The following PRDM4 variants were observed in gnomAD, a reference collection of about 807,000 sequenced individuals.
The protein encoded by PRDM4 is PR domain zinc finger protein 4.
Under a neutral mutation model 62.3 loss-of-function variants are expected in PRDM4, and 38 were observed. The ratio of observed to expected loss-of-function variants is 0.61; its 90% CI spans 0.47 to 0.80. The LOEUF is 0.80. Among genes scored for constraint, PRDM4 ranks in the 30% least tolerant of loss-of-function variants. PRDM4 has a pLI of 0.00. For synonymous variants in PRDM4, 339 were observed against 348.2 expected, an observed-to-expected ratio of 0.97 and a Z score of 0.30; for missense variants, 858 against 997.1, an observed-to-expected ratio of 0.86 and a Z score of 1.88.
At chr12:107,736,298 A>G (rs1462292291) in intron 11 of PRDM4, among the ~76,000 whole-genome samples, 1 of 152,220 alleles carries the variant, frequency 6.6e-6, no homozygotes, top group Non-Finnish European at 1.5e-5. Context: ...ACACGAAGCC[A>G]GGTAAAAGTG....
Position 107,741,193 on chromosome 12 carries a change from G to C in PRDM4, c.1677C>G (p.Phe559Leu). The C allele has an allele frequency of 6.2e-7, 1 of 1,614,112 alleles. No homozygotes were observed. The highest frequency in any genetic ancestry group is 8.5e-7 in the Non-Finnish European group (1 of 1,180,018). The stretch of plus-strand genomic sequence containing the variant: ...GGATGTGGCTGGTCAGATGGGCTTT[G>C]AACTCTGTGTAAGAATTGCACTCCT... ...CGKECNSYTE[F>L]KAHLTSHIHN... Residue 559 changes from phenylalanine (F) to leucine (L), a missense_variant, in exon 10 of 12, where the codon TTC (phenylalanine) becomes TTG (leucine). Phe to Leu is a conservative substitution (Grantham distance 22). This residue lies in a region of PRDM4 where 355 missense variants were observed against 432.6 expected (regional missense o/e 0.82). Transcript: ENST00000228437.
At chr12:107,742,915 A>G (rs1890566247) in intron 8 of PRDM4, among the ~76,000 whole-genome samples, 1 of 151,774 alleles carries the variant, frequency 6.6e-6, no homozygotes, top group African/African-American at 2.4e-5. Flanking sequence ...TGCATATACC[A>G]CAACACCCAG....
Position 107,734,156 on chromosome 12 carries a change from T to C in PRDM4, c.*54A>G. On this transcript the variant is annotated 3_prime_UTR_variant, in exon 12 of 12. Coordinates refer to ENST00000228437, the MANE Select transcript of PRDM4 (RefSeq NM_012406.4). ...AAAACCATTATAGTAGATAACTGGT[T>C]ATGTGTATTTTTCCATTTGCATTTT... 4 of 1,500,914 alleles carry C rather than the reference T, an allele frequency of 2.7e-6. No individual in the cohort carries two copies. The highest frequency in any genetic ancestry group is 3.6e-6 in the Non-Finnish European group (4 of 1,112,892). 93.0% of individuals were successfully genotyped at this position (1,500,914 alleles called of 1,614,324 possible).
At chr12:107,734,616 C>T in intron 11 of PRDM4, 94 bp from the exon 12 acceptor site, 1 of 1,181,122 alleles carries the variant, frequency 8.5e-7, no homozygotes, top group Non-Finnish European at 1.2e-6. Flanking sequence ...TTTGTCAGAG[C>T]AGCTCTATCC....
intron 5 of PRDM4, among the ~76,000 whole-genome samples, chr12:107,747,160 C>A (rs559884869): frequency 6.6e-6 from 1 of 151,906 alleles, no homozygotes; most frequent in African/African-American, 2.4e-5. Context: ...AAAATAGCAC[C>A]ATATTACTTC....
At chr12:107,744,470 T>C in intron 7 of PRDM4, 73 bp downstream of exon 7, 3 of 1,539,222 alleles carry the variant, frequency 1.9e-6, no homozygotes, top group Non-Finnish European at 8.9e-7. Flanking sequence ...ATTTTGACTT[T>C]ATCATAACTT....
chr12:107,756,154 G>A (rs1344624175), intron 3 of PRDM4, among the ~76,000 whole-genome samples: 2 of 152,098 alleles, frequency 1.3e-5, no homozygotes, highest in African/African-American at 4.8e-5. Flanking sequence ...TAGCTACTCA[G>A]GAGGCTGAAG....
chr12:107,754,348 T>G (rs1338418316), intron 3 of PRDM4, among the ~76,000 whole-genome samples: 1 of 152,204 alleles, frequency 6.6e-6, no homozygotes, highest in African/African-American at 2.4e-5. Flanking sequence ...TCCAATTGTC[T>G]GTATTGCGCT....
Position 107,744,581 on chromosome 12 carries a change from C to T in PRDM4, c.1357G>A (p.Ala453Thr), listed in dbSNP as rs1031007227. The T allele has an allele frequency of 6.2e-7, 1 of 1,613,826 alleles. No homozygotes were observed. The change falls in exon 7 of 12, where the codon GCA becomes ACA. Residue 453 changes from alanine to threonine, a missense_variant. This residue lies in a region of PRDM4 where 355 missense variants were observed against 432.6 expected (regional missense o/e 0.82). Coordinates refer to ENST00000228437, the MANE Select transcript of PRDM4 (RefSeq NM_012406.4). The part of the protein sequence containing the change: ...IGQQSHSMEV[A>T]EWTDKAVNHI... The stretch of plus-strand genomic sequence containing the variant: ...TTAACTGCCTTGTCTGTCCATTCTG[C>T]TACTTCCATGGAGTGACTCTGCTGG...
chr12:107,750,476 C>T (rs943703619), intron 5 of PRDM4, among the ~76,000 whole-genome samples: 1 of 152,034 alleles, frequency 6.6e-6, no homozygotes, highest in Admixed American at 6.6e-5. Context: ...CCCAGGAGGT[C>T]GAGGCTACAG....
rs1891202846 is a variant in PRDM4 at position 107,760,406 on chromosome 12, C to T, written c.11+99G>A. 5 of 1,499,156 alleles carry T rather than the reference C, an allele frequency of 3.3e-6. No individual in the cohort carries two copies. The South Asian group carries it at 4.7e-5, about 14-fold the overall frequency. 92.9% of individuals were successfully genotyped at this position (1,499,156 alleles called of 1,614,324 possible). A position where few individuals can be genotyped will look rare whatever the true frequency, so the allele number is the denominator to read the frequency against. On this transcript the variant is annotated intron_variant, in intron 2 of 11. Coordinates refer to ENST00000228437, the MANE Select transcript of PRDM4 (RefSeq NM_012406.4). ...TTCCTTTGCAAATCACACCTGTAACCTTCTCAATGGCACCAAAAACAACGG... is the reference window on the plus strand; with the variant it reads ...TTCCTTTGCAAATCACACCTGTAACTTTCTCAATGGCACCAAAAACAACGG...
chr12:107,752,196 A>G lies in PRDM4; in HGVS notation c.345T>C (p.Tyr115=), dbSNP rs1252628974. 1 of 1,573,428 alleles carries G rather than the reference A, an allele frequency of 6.4e-7. No homozygotes were observed. Among genetic ancestry groups the G allele is most frequent in the South Asian group, 1.1e-5 (1 of 90,234 alleles). Residue 115 remains tyrosine, a synonymous_variant, in exon 5 of 12, where the codon TAT becomes TAC. Transcript: ENST00000228437. ...ACTGTGGAGGTGGTCTGTCAGCTAA[A>G]TAAGATAAAATGCCTGAGAAAAGGA... ...FRTILPGILS[Y]LADRPPPQYI... is the part of the protein sequence containing the mutation.
intron 9 of PRDM4, 78 bp from the exon 10 acceptor site, chr12:107,741,338 C>G: frequency 7.7e-7 from 1 of 1,302,644 alleles, no homozygotes; most frequent in Non-Finnish European, 1.1e-6. Flanking sequence ...ATCATTGCTT[C>G]CAGTTCTCCT....
Position 107,760,568 on chromosome 12 carries a change from C to A in PRDM4, c.-53G>T. The stretch of plus-strand genomic sequence containing the variant: ...GAGCGCTCGGGTGGTGGGGAACAGG[C>A]ATCAGGGTTTGCGTTCCAGGGTCAC... On this transcript the variant is annotated 5_prime_UTR_variant, in exon 2 of 12. The change abolishes an upstream ATG in the 5' untranslated region. Transcript: ENST00000228437. 3.1e-6 allele frequency: 5 copies of A among 1,608,454 alleles called. No individual in the cohort carries two copies. In the South Asian group the frequency reaches 4.4e-5, roughly 14 times the overall value.
rs1392737696 is a variant in PRDM4, at chr12:107,733,622, T to G, written c.*588A>C. 3 of 152,550 alleles carry G rather than the reference T, an allele frequency of 2.0e-5. No individual in the cohort carries two copies. The highest frequency in any genetic ancestry group is 6.5e-5 in the Admixed American group (1 of 15,300). The allele number at this position is 152,550 out of a possible 1,614,324, so 9.4% of individuals were successfully genotyped here. On this transcript the variant is annotated 3_prime_UTR_variant, in exon 12 of 12. Transcript: ENST00000228437. ...CTTTTTTATTTGCCCTCCAGGCACC[T>G]GCCGAAACTTTGGAAAACAAGATCT...
At chr12:107,751,360 G>C (rs1890886992) in intron 5 of PRDM4, 55 bp downstream of exon 5, 1 of 1,509,104 alleles carries the variant, frequency 6.6e-7, no homozygotes, top group African/African-American at 1.4e-5. Flanking sequence ...AACTTGTTAG[G>C]GATGGTGGCC....
rs1253785558 is a variant in PRDM4 at position 107,739,385 on chromosome 12, A to T, written c.2091T>A (p.Thr697=). 1.2e-6 allele frequency: 2 copies of T among 1,612,738 alleles called. No individual in the cohort carries two copies. The highest frequency in any genetic ancestry group is 2.2e-5 in the East Asian group (1 of 44,872). The part of the protein sequence containing the change: ...QDLKQHVLIH[T]QERQIKCPKC... ...GTCTTGGCTGCAGGGTAACTTACTG[A>T]GTGTGGATGAGCACGTGCTGCTTGA... The change falls in exon 11 of 12, where the codon ACT becomes ACA. Residue 697 remains threonine, a splice_region_variant and synonymous_variant. Transcript: ENST00000228437.
At chr12:107,748,879 A>T (rs529933641) in intron 5 of PRDM4, among the ~76,000 whole-genome samples, 4 of 152,364 alleles carry the variant, frequency 2.6e-5, no homozygotes, top group African/African-American at 9.6e-5. Context: ...TGCCCTCTTA[A>T]GAAAAAAATC....
intron 5 of PRDM4, among the ~76,000 whole-genome samples, chr12:107,748,578 A>G (rs1051124216): frequency 6.6e-6 from 1 of 152,268 alleles, no homozygotes; most frequent in Admixed American, 6.5e-5. Context: ...AACTAGATCC[A>G]GAAGGCCAAG....
Sources: allele counts gnomAD v4.1 joint callset (sites outside exome capture counted in the v4.1 genomes callset), GRCh38; gene constraint gnomAD v4.1.1; regional missense constraint gnomAD v4.1.1; transcripts MANE v1.5; gene names NCBI Gene and HGNC (gene_info 2026-07-23, HGNC 2026-07-21).